The following HPSE2 variants were observed in gnomAD, a reference collection of about 807,000 sequenced individuals.
HPSE2 encodes heparanase 2 (inactive), also known as inactive heparanase-2.
Under a neutral mutation model 60.5 loss-of-function variants are expected in HPSE2, and 38 were observed. The ratio of observed to expected loss-of-function variants is 0.63; its 90% CI spans 0.48 to 0.82. The LOEUF is 0.82. Among genes scored for constraint, HPSE2 ranks in the 40% least tolerant of loss-of-function variants. The pLI, the probability that HPSE2 is intolerant of heterozygous loss-of-function variation, is 0.00. For synonymous variants in HPSE2, 295 were observed against 293.2 expected, an observed-to-expected ratio of 1.01 and a Z score of -0.06; for missense variants, 713 against 740.4, an observed-to-expected ratio of 0.96 and a Z score of 0.43.
rs531648970 is a variant in HPSE2 at position 98,982,157 on chromosome 10, A to G, written c.610+162081T>C. 1.2e-4 allele frequency among the ~76,000 whole-genome samples: 19 copies of G among 152,270 alleles called. No homozygotes were observed. In the South Asian group the frequency reaches 3.9e-3, roughly 32 times the overall value. On this transcript the variant is annotated intron_variant, in intron 3 of 11. Coordinates refer to ENST00000370552, the MANE Select transcript of HPSE2 (RefSeq NM_021828.5). Reference sequence around the variant, plus strand: ...AGAAATTCAGGTAAAGATATAAAAGATCACCTGTCAGAAAAACAAAAACTC... The same window carrying G: ...AGAAATTCAGGTAAAGATATAAAAGGTCACCTGTCAGAAAAACAAAAACTC...
chr10:99,152,904 C>T (rs1036591473), intron 2 of HPSE2, among the ~76,000 whole-genome samples: 14 of 152,186 alleles, frequency 9.2e-5, no homozygotes, highest in African/African-American at 3.1e-4. Context: ...GCATCGTGCG[C>T]GAGCCGAAGC....
rs150468222 is a variant in HPSE2, at chr10:98,738,017, A to G, written c.784+5866T>C. Among the ~76,000 whole-genome samples the G allele has an allele frequency of 2.1e-3, 313 of 152,368 alleles. 2 individuals are homozygous for G. Among genetic ancestry groups the G allele is most frequent in the East Asian group, 0.017 (88 of 5,192 alleles). Reference sequence around the variant, plus strand: ...CATATGGAAACAAAAAAGAGCCCATATAGTCAAGACAATCTAAGCAAAAAG... The same window carrying G: ...CATATGGAAACAAAAAAGAGCCCATGTAGTCAAGACAATCTAAGCAAAAAG... On this transcript the variant is annotated intron_variant, in intron 4 of 11. Coordinates refer to ENST00000370552, the MANE Select transcript of HPSE2 (RefSeq NM_021828.5).
intron 3 of HPSE2, among the ~76,000 whole-genome samples, chr10:98,791,545 A>G (rs1446332112): frequency 6.6e-6 from 1 of 152,224 alleles, no homozygotes; most frequent in Non-Finnish European, 1.5e-5. Flanking sequence ...TTTACCTTAT[A>G]TGTAAGTTTC....
At chr10:98,759,802 T>A (rs992337109) in intron 3 of HPSE2, among the ~76,000 whole-genome samples, 4 of 152,162 alleles carry the variant, frequency 2.6e-5, no homozygotes, top group Non-Finnish European at 5.9e-5. Flanking sequence ...ATGTGAATTT[T>A]AGAATTGTTT....
intron 4 of HPSE2, among the ~76,000 whole-genome samples, chr10:98,727,826 G>C (rs943164338): frequency 6.6e-6 from 1 of 152,002 alleles, no homozygotes; most frequent in South Asian, 2.1e-4. Context: ...TCATACAGGA[G>C]AACACAATGA....
chr10:98,729,461 T>C (rs1361400755), intron 4 of HPSE2, among the ~76,000 whole-genome samples: 3 of 151,808 alleles, frequency 2.0e-5, no homozygotes, highest in Non-Finnish European at 2.9e-5. Context: ...CACAAAAAAT[T>C]AGCCGGGCGT....
At chr10:99,064,594 T>G (rs1436984625) in intron 3 of HPSE2, among the ~76,000 whole-genome samples, 1 of 108,492 alleles carries the variant, frequency 9.2e-6, no homozygotes, top group African/African-American at 3.1e-5. Context: ...ATGGGGAAAA[T>G]ATTTACTTAA....
intron 2 of HPSE2, among the ~76,000 whole-genome samples, chr10:99,152,891 C>T (rs1166274880): frequency 1.3e-5 from 2 of 152,210 alleles, no homozygotes; most frequent in Non-Finnish European, 2.9e-5. Flanking sequence ...TCAGTGGGTG[C>T]GCGCATCGTG....
At chr10:98,468,657 T>C (rs1940655538) in intron 11 of HPSE2, among the ~76,000 whole-genome samples, 1 of 152,156 alleles carries the variant, frequency 6.6e-6, no homozygotes, top group Non-Finnish European at 1.5e-5. Flanking sequence ...TTCAATAGTA[T>C]GCGGCTCAGT....
intron 2 of HPSE2, among the ~76,000 whole-genome samples, chr10:99,190,071 A>G (rs1004948872): frequency 6.6e-6 from 1 of 152,190 alleles, no homozygotes; most frequent in Non-Finnish European, 1.5e-5. Flanking sequence ...TTCTGTCACA[A>G]ATCACTTTAT....
Position 98,721,736 on chromosome 10 carries a change from T to C in HPSE2, c.877A>G (p.Ile293Val). 6.2e-7 allele frequency: 1 copy of C among 1,613,708 alleles called. No homozygotes were observed. The highest frequency in any genetic ancestry group is 8.5e-7 in the Non-Finnish European group (1 of 1,179,852). Residue 293 changes from isoleucine to valine, a missense_variant, in exon 5 of 12, where the codon ATC becomes GTC. Physicochemically the swap from Ile to Val is conservative, Grantham distance 29 (BLOSUM62 3). Transcript: ENST00000370552. ...YIQLKSLLQPIRIYSRASLYG... is the reference protein window; with the variant it reads ...YIQLKSLLQPVRIYSRASLYG... The stretch of plus-strand genomic sequence containing the variant: ...AAGCTGGCTCTGGAATAAATCCGGA[T>C]GGGCTGCAACAGGCTCTTCAGCTGG...
At chr10:98,705,621 C>T (rs888051303) in intron 5 of HPSE2, among the ~76,000 whole-genome samples, 9 of 152,132 alleles carry the variant, frequency 5.9e-5, no homozygotes, top group African/African-American at 9.6e-5. Flanking sequence ...TGGTTGAAGC[C>T]GGAAGCCATT....
chr10:99,161,681 G>T (rs1282758512), intron 2 of HPSE2, among the ~76,000 whole-genome samples: 1 of 152,064 alleles, frequency 6.6e-6, no homozygotes, highest in Non-Finnish European at 1.5e-5. Flanking sequence ...ATGAAAATAT[G>T]TAAATTATAG....
chr10:98,981,874 C>T (rs1956214660), intron 3 of HPSE2, among the ~76,000 whole-genome samples: 1 of 152,058 alleles, frequency 6.6e-6, no homozygotes, highest in African/African-American at 2.4e-5. Context: ...ACCCCAATCC[C>T]TAATAACTGA....
chr10:99,108,394 C>T (rs1844329499), intron 3 of HPSE2, among the ~76,000 whole-genome samples: 2 of 150,396 alleles, frequency 1.3e-5, no homozygotes, highest in Non-Finnish European at 3.0e-5. Context: ...AGAGAAGACA[C>T]TGTTTAGAAA....
At chr10:99,203,931 A>G (rs922582442) in intron 2 of HPSE2, among the ~76,000 whole-genome samples, 6 of 151,980 alleles carry the variant, frequency 3.9e-5, no homozygotes, top group African/African-American at 1.5e-4. Context: ...ATATGACCCC[A>G]CAGGCCAAGG....
At chr10:98,687,122 C>T (rs547691413) in intron 6 of HPSE2, among the ~76,000 whole-genome samples, 1 of 151,982 alleles carries the variant, frequency 6.6e-6, no homozygotes, top group South Asian at 2.1e-4. Flanking sequence ...TTGATTGCTG[C>T]TCTAAACAAA....
At chr10:98,995,502 C>T (rs761203172) in intron 3 of HPSE2, among the ~76,000 whole-genome samples, 12 of 152,144 alleles carry the variant, frequency 7.9e-5, no homozygotes, top group Non-Finnish European at 1.3e-4. Flanking sequence ...CAACCTACCT[C>T]TTTGAAAAAG....
At chr10:98,516,282 A>C (rs10786434) in intron 9 of HPSE2, among the ~76,000 whole-genome samples, 124,770 of 152,186 alleles carry the variant, frequency 0.82, 53,390 homozygotes, top group East Asian at 0.96. Context: ...AGCAATTTAC[A>C]CAAGTGACAC....
Sources: gnomAD v4.1 joint callset for allele counts (sites outside exome capture counted in the v4.1 genomes callset) on GRCh38, gnomAD v4.1.1 for gene constraint, MANE v1.5 for transcripts, NCBI Gene and HGNC (gene_info 2026-07-23, HGNC 2026-07-21) for gene names.